SASH1: variants seen among roughly 807,000 people sequenced by gnomAD.
The protein encoded by SASH1 is SAM and SH3 domain containing 1, also known as SAM and SH3 domain-containing protein 1.
SASH1 carries 44 observed loss-of-function variants against 125.2 expected under a neutral mutation model. The ratio of observed to expected loss-of-function variants is 0.35; its 90% CI spans 0.28 to 0.45. The LOEUF (loss-of-function observed/expected upper bound fraction) is 0.45, where lower values mean the gene tolerates loss of function less well. SASH1 is among the 20% of genes least tolerant of loss of function. SASH1 has a pLI of 1.00. For missense variants in SASH1, 1,426 were observed against 1,614.5 expected (o/e 0.88, Z 2.00); for synonymous variants, 639 against 649.1 (o/e 0.98, Z 0.24).
chr6:148,325,377 A>G (rs952101512), intron 1 of SASH1, among the ~76,000 whole-genome samples: 6 of 151,990 alleles, frequency 3.9e-5, no homozygotes, highest in Admixed American at 1.3e-4. Context: ...CCCGGGTTCA[A>G]GTGATTCTCC....
At chr6:148,221,723 G>A in the SASH1 span, among the ~76,000 whole-genome samples, 1 of 152,186 alleles carries the variant, frequency 6.6e-6, no homozygotes, top group Non-Finnish European at 1.5e-5. Flanking sequence ...GTGAGCTGCG[G>A]TGGTTGTGAA....
chr6:148,291,939 G>T (rs1469716113), intron 1 of SASH1, among the ~76,000 whole-genome samples: 1 of 152,042 alleles, frequency 6.6e-6, no homozygotes, highest in Admixed American at 6.6e-5. Flanking sequence ...TTAGAGCCAA[G>T]AAAAATAGAT....
chr6:148,438,179 T>G (rs1160514084), intron 2 of SASH1, among the ~76,000 whole-genome samples: 1 of 152,220 alleles, frequency 6.6e-6, no homozygotes, highest in Non-Finnish European at 1.5e-5. Context: ...TTTAGTTTCA[T>G]CATCACTCTG....
the SASH1 span, among the ~76,000 whole-genome samples, chr6:148,218,027 AT>A: frequency 9.9e-5 from 15 of 150,872 alleles, no homozygotes; most frequent in African/African-American, 3.2e-4. Flanking sequence ...AAAAAAAAAA[AT>A]AAATAAAAAA....
intron 9 of SASH1, among the ~76,000 whole-genome samples, chr6:148,517,701 G>A (rs1306563068): frequency 6.6e-6 from 1 of 152,188 alleles, no homozygotes; most frequent in African/African-American, 2.4e-5. Flanking sequence ...CTGAACCCGA[G>A]AATAGAGCTA....
intron 2 of SASH1, among the ~76,000 whole-genome samples, chr6:148,432,443 G>A (rs537225149): frequency 2.0e-5 from 3 of 152,306 alleles, no homozygotes; most frequent in African/African-American, 7.2e-5. Context: ...ACGTAAATCT[G>A]TGACCGGCAG....
At chr6:148,307,462 C>T (rs1780177131) in intron 1 of SASH1, among the ~76,000 whole-genome samples, 1 of 152,060 alleles carries the variant, frequency 6.6e-6, no homozygotes. Flanking sequence ...GAGCCCTACC[C>T]TAAAAGAGCT....
In SASH1 at chr6:148,548,478, A is replaced by G; in HGVS notation, c.3664A>G (p.Ile1222Val). ...LSHTCLQEAG[I>V]TEERHIRKLL... ...TCACACTTGCCTTCAGGAGGCCGGC[A>G]TCACAGAGGAGAGACACATAAGAAA... Residue 1222 changes from isoleucine (I) to valine (V), a missense_variant, in exon 20 of 20, where the codon ATC (isoleucine) becomes GTC (valine). Physicochemically the swap from Ile to Val is conservative, Grantham distance 29. This residue lies in a region of SASH1 where 634 missense variants were observed against 694.4 expected (regional missense o/e 0.91). Coordinates refer to ENST00000367467, the MANE Select transcript of SASH1 (RefSeq NM_015278.5). The G allele has an allele frequency of 6.2e-7, 1 of 1,614,240 alleles. No homozygotes were observed. Among genetic ancestry groups the G allele is most frequent in the Non-Finnish European group, 8.5e-7 (1 of 1,180,044 alleles).
intron 1 of SASH1, among the ~76,000 whole-genome samples, chr6:148,289,243 T>G (rs1301500954): frequency 6.6e-6 from 1 of 152,062 alleles, no homozygotes; most frequent in Non-Finnish European, 1.5e-5. Flanking sequence ...CTGAGAAGCA[T>G]TTTATACTTT....
chr6:148,267,992 G>A (rs1317719958), upstream of SASH1, among the ~76,000 whole-genome samples: 1 of 152,136 alleles, frequency 6.6e-6, no homozygotes, highest in African/African-American at 2.4e-5. Flanking sequence ...TCCCACGAAC[G>A]AAAGGCCAAT....
chr6:148,412,658 C>T (rs181772215), intron 2 of SASH1, among the ~76,000 whole-genome samples: 8 of 152,234 alleles, frequency 5.3e-5, no homozygotes, highest in Admixed American at 1.3e-4. Context: ...TTCTGGTGAA[C>T]GAATAGAGCA....
chr6:148,538,748 G>A (rs181095001), intron 16 of SASH1, among the ~76,000 whole-genome samples: 109 of 152,280 alleles, frequency 7.2e-4, no homozygotes, highest in African/African-American at 2.5e-3. Context: ...CTGAGAAAAG[G>A]CATCACATTT....
chr6:148,392,711 G>C (rs1214989636), intron 2 of SASH1, among the ~76,000 whole-genome samples: 2 of 152,200 alleles, frequency 1.3e-5, no homozygotes, highest in East Asian at 3.8e-4. Context: ...GCAGGGATGG[G>C]AGTTAGTTTA....
chr6:148,212,762 A>C, the SASH1 span, among the ~76,000 whole-genome samples: 1 of 152,204 alleles, frequency 6.6e-6, no homozygotes, highest in African/African-American at 2.4e-5. Flanking sequence ...TTTAATCCCC[A>C]CAAGAATCTT....
intron 1 of SASH1, among the ~76,000 whole-genome samples, chr6:148,352,041 C>T (rs1781747992): frequency 6.6e-6 from 1 of 151,982 alleles, no homozygotes; most frequent in Admixed American, 6.6e-5. Context: ...AGAGTAACAA[C>T]CTTAATCTGT....
intron 1 of SASH1, among the ~76,000 whole-genome samples, chr6:148,374,736 C>A (rs933329091): frequency 4.6e-5 from 7 of 151,556 alleles, no homozygotes; most frequent in Admixed American, 4.0e-4. Context: ...TCACTCTTGT[C>A]ACCCAGGCTG....
chr6:148,345,339 G>A (rs934378020), intron 1 of SASH1, among the ~76,000 whole-genome samples: 5 of 152,138 alleles, frequency 3.3e-5, no homozygotes, highest in African/African-American at 1.2e-4. Context: ...GTTAAAAGAT[G>A]GGGTGGGGCT....
chr6:148,268,709 A>G (rs1778995764), upstream of SASH1, among the ~76,000 whole-genome samples: 1 of 152,182 alleles, frequency 6.6e-6, no homozygotes, highest in Admixed American at 6.5e-5. Flanking sequence ...TATTTCTTGC[A>G]CTGTTTTGAG....
upstream of SASH1, chr6:148,342,666 C>T (rs930195236): frequency 6.6e-6 from 1 of 152,246 alleles, no homozygotes; most frequent in African/African-American, 2.4e-5. Context: ...CCGGGTCCTG[C>T]CAAGACTTGC....
Sources: allele counts gnomAD v4.1 joint callset (sites outside exome capture counted in the v4.1 genomes callset), GRCh38; gene constraint gnomAD v4.1.1; regional missense constraint gnomAD v4.1.1; transcripts MANE v1.5; gene names NCBI Gene and HGNC (gene_info 2026-07-23, HGNC 2026-07-21).